CHRM3: variants seen among roughly 807,000 people sequenced by gnomAD.
CHRM3 encodes the protein muscarinic acetylcholine receptor M3.
CHRM3 carries 11 observed loss-of-function variants against 41.8 expected under a neutral mutation model. That is an observed-to-expected ratio of 0.26 (90% confidence interval 0.17 to 0.44). CHRM3 has a LOEUF of 0.44. Among genes scored for constraint, CHRM3 ranks in the 20% least tolerant of loss-of-function variants. The probability of loss-of-function intolerance (pLI) is 1.00; values close to 1 mark genes in which losing one functional copy is unlikely to be tolerated. For missense variants in CHRM3, 571 were observed against 745.4 expected, an observed-to-expected ratio of 0.77 and a Z score of 2.72; for synonymous variants, 297 against 301.4, an observed-to-expected ratio of 0.99 and a Z score of 0.15.
chr1:239,896,638 T>C (rs1679028500), intron 6 of CHRM3, among the ~76,000 whole-genome samples: 1 of 152,216 alleles, frequency 6.6e-6, no homozygotes, highest in African/African-American at 2.4e-5. Context: ...TGGGTCTGTA[T>C]GATCTCCCTT....
rs561882054 is a variant in CHRM3 at position 239,637,953 on chromosome 1, C to A, written c.-250+5667C>A. Reference sequence around the variant, plus strand: ...ACAGTCCCCAGAGTGTGATGTTCCCCTTCCTGTGTCCACGTGTTCTCATTG... The same window carrying A: ...ACAGTCCCCAGAGTGTGATGTTCCCATTCCTGTGTCCACGTGTTCTCATTG... On this transcript the variant is annotated intron_variant, in intron 4 of 6. Transcript: ENST00000676153. Among the ~76,000 whole-genome samples the A allele has an allele frequency of 1.0e-3, 135 of 134,858 alleles. 1 individual carries two copies. Among genetic ancestry groups the A allele is most frequent in the African/African-American group, 3.6e-3 (130 of 35,994 alleles). The allele number at this position is 134,858 out of a possible 152,430, so 88.5% of individuals were successfully genotyped here.
chr1:239,722,488 A>G (rs1663065414), intron 5 of CHRM3, among the ~76,000 whole-genome samples: 2 of 151,916 alleles, frequency 1.3e-5, no homozygotes, highest in African/African-American at 4.8e-5. Flanking sequence ...TTAAGACTTA[A>G]GTTCTAGTCT....
chr1:239,706,644 ACAGACATGCACC>A, intron 5 of CHRM3: 1 of 153,322 alleles, frequency 6.5e-6, no homozygotes, highest in Non-Finnish European at 1.4e-5. Flanking sequence ...ACACACACAC[ACAGACATGCACC>A]CACACACACT....
At chr1:239,803,158 T>G (rs1006025193) in intron 5 of CHRM3, among the ~76,000 whole-genome samples, 1 of 152,226 alleles carries the variant, frequency 6.6e-6, no homozygotes, top group Non-Finnish European at 1.5e-5. Context: ...TCTATTTTCT[T>G]AATGAACAAG....
chr1:239,834,975 G>A (rs2149119867), intron 6 of CHRM3, among the ~76,000 whole-genome samples: 1 of 152,244 alleles, frequency 6.6e-6, no homozygotes, highest in South Asian at 2.1e-4. Flanking sequence ...AAAAGCAAAT[G>A]GAAATATGGG....
chr1:239,525,412 A>G (rs952437741), intron 2 of CHRM3, among the ~76,000 whole-genome samples: 1 of 151,950 alleles, frequency 6.6e-6, no homozygotes, highest in African/African-American at 2.4e-5. Flanking sequence ...TGATTTGACT[A>G]TCAGTTATTG....
At chr1:239,654,823 T>C (rs1672568120) in intron 4 of CHRM3, among the ~76,000 whole-genome samples, 1 of 152,204 alleles carries the variant, frequency 6.6e-6, no homozygotes, top group Non-Finnish European at 1.5e-5. Context: ...AGAGGAGATA[T>C]TTCAGTGGCT....
chr1:239,391,071 G>T (rs773927227), intron 1 of CHRM3, among the ~76,000 whole-genome samples: 4 of 152,148 alleles, frequency 2.6e-5, no homozygotes, highest in East Asian at 3.9e-4. Flanking sequence ...GCAGAAGTTC[G>T]AGACTGCAGT....
intron 6 of CHRM3, among the ~76,000 whole-genome samples, chr1:239,846,829 C>A (rs112598159): frequency 1.8e-4 from 28 of 152,180 alleles, no homozygotes; most frequent in African/African-American, 5.5e-4. Context: ...GAAAGATAAG[C>A]GGCATAGAGT....
At chr1:239,877,553 AT>A (rs1677209195) in intron 6 of CHRM3, among the ~76,000 whole-genome samples, 1 of 152,266 alleles carries the variant, frequency 6.6e-6, no homozygotes, top group Non-Finnish European at 1.5e-5. Flanking sequence ...ACTGCTATAT[AT>A]TATTTATAAC....
chr1:239,669,190 G>A (rs188186908), intron 4 of CHRM3, among the ~76,000 whole-genome samples: 18 of 152,238 alleles, frequency 1.2e-4, no homozygotes, highest in Non-Finnish European at 2.5e-4. Flanking sequence ...GAAGTTAGGC[G>A]AGATTTCTAA....
chr1:239,901,891 T>C (rs946710889), intron 6 of CHRM3, among the ~76,000 whole-genome samples: 9 of 152,196 alleles, frequency 5.9e-5, no homozygotes, highest in African/African-American at 2.2e-4. Context: ...GATTGCTAGT[T>C]CATGGTGTAC....
At chr1:239,610,567 G>A (rs959489900) in intron 3 of CHRM3, among the ~76,000 whole-genome samples, 7 of 152,236 alleles carry the variant, frequency 4.6e-5, no homozygotes, top group Admixed American at 6.5e-5. Flanking sequence ...GCACTTTTAC[G>A]TTAAACCATT....
At chr1:239,390,244 T>G (rs755171163) in intron 1 of CHRM3, among the ~76,000 whole-genome samples, 1 of 152,236 alleles carries the variant, frequency 6.6e-6, no homozygotes, top group Non-Finnish European at 1.5e-5. Context: ...CTTAATTGTT[T>G]AATATAGTGT....
chr1:239,408,489 A>G (rs1377201132), intron 1 of CHRM3, among the ~76,000 whole-genome samples: 1 of 141,022 alleles, frequency 7.1e-6, no homozygotes, highest in African/African-American at 2.7e-5. Context: ...GCGCCACTGC[A>G]CTCCAGCCTG....
rs544350311 is a variant in CHRM3, at chr1:239,795,194, G to A, written c.-146-32058G>A. On this transcript the variant is annotated intron_variant, in intron 5 of 6. Coordinates refer to ENST00000676153, the MANE Select transcript of CHRM3 (RefSeq NM_001375978.1). ...TAAACTCCTTTGAATGATTTGCCAA[G>A]TGACATTTTGAAAATGAACTGACAT... 2.6e-5 allele frequency among the ~76,000 whole-genome samples: 4 copies of A among 152,234 alleles called. No homozygotes were observed. In the East Asian group the frequency reaches 7.7e-4, roughly 29 times the overall value.
intron 3 of CHRM3, among the ~76,000 whole-genome samples, chr1:239,598,214 GT>G (rs533055882): frequency 1.3e-3 from 204 of 152,116 alleles, no homozygotes; most frequent in Non-Finnish European, 2.6e-3. Context: ...GGTTGTTATT[GT>G]TCTCCTATTA....
chr1:239,760,780 A>T (rs1032329858), intron 5 of CHRM3, among the ~76,000 whole-genome samples: 9 of 152,034 alleles, frequency 5.9e-5, no homozygotes, highest in African/African-American at 2.2e-4. Flanking sequence ...TTTTTCTCTG[A>T]CCGCTTTGAA....
intron 2 of CHRM3, among the ~76,000 whole-genome samples, chr1:239,532,098 C>T (rs1320569993): frequency 2.8e-5 from 4 of 141,104 alleles, no homozygotes; most frequent in Admixed American, 2.1e-4. Context: ...CTGCAAGCTC[C>T]GCCTCCCGGG....
Sources: gnomAD v4.1 joint callset for allele counts (sites outside exome capture counted in the v4.1 genomes callset) on GRCh38, gnomAD v4.1.1 for gene constraint, MANE v1.5 for transcripts, NCBI Gene and HGNC (gene_info 2026-07-23, HGNC 2026-07-21) for gene names.